B3GALT1: variants seen among roughly 807,000 people sequenced by gnomAD.
B3GALT1 encodes the protein beta-1,3-galactosyltransferase 1, also known as UDP-Gal:betaGlcNAc beta 1,3-galactosyltransferase, polypeptide 1.
Under a neutral mutation model 23.2 loss-of-function variants are expected in B3GALT1, and 10 were observed. That is an observed-to-expected ratio of 0.43 (90% CI 0.27 to 0.73). The LOEUF is 0.73. Ranked by LOEUF, B3GALT1 falls within the 30% of genes least tolerant of loss-of-function variation. The probability of loss-of-function intolerance (pLI) is 0.21; values close to 1 mark genes in which losing one functional copy is unlikely to be tolerated. For missense variants in B3GALT1, 299 were observed against 405.4 expected, an observed-to-expected ratio of 0.74 and a Z score of 2.25; for synonymous variants, 156 against 141.5, an observed-to-expected ratio of 1.10 and a Z score of -0.73.
At chr2:167,416,451 A>G (rs1242542181) in intron 1 of B3GALT1, among the ~76,000 whole-genome samples, 3 of 152,236 alleles carry the variant, frequency 2.0e-5, no homozygotes, top group Admixed American at 6.5e-5. Context: ...CCAAATGTCA[A>G]AGGATGCTGC....
chr2:167,349,637 ACAGTG>A (rs1379727031), intron 1 of B3GALT1, among the ~76,000 whole-genome samples: 1 of 152,198 alleles, frequency 6.6e-6, no homozygotes, highest in Non-Finnish European at 1.5e-5. Context: ...AGTTACAGCC[ACAGTG>A]CATGATAAGT....
chr2:167,666,947 T>G (rs982740806), intron 3 of B3GALT1, among the ~76,000 whole-genome samples: 3 of 152,132 alleles, frequency 2.0e-5, no homozygotes, highest in Admixed American at 6.5e-5. Context: ...TTAGTCCATT[T>G]ACATTTAAAG....
At chr2:167,356,556 C>G (rs1466486523) in intron 1 of B3GALT1, among the ~76,000 whole-genome samples, 1 of 152,046 alleles carries the variant, frequency 6.6e-6, no homozygotes, top group Non-Finnish European at 1.5e-5. Flanking sequence ...ACACTACATA[C>G]TAGTGGGAGT....
At position 167,398,180 on chromosome 2, in the gene B3GALT1, G is replaced by A. The variant is rs1367173011; in HGVS notation, c.-510-91997G>A. 2.0e-5 allele frequency among the ~76,000 whole-genome samples: 3 copies of A among 152,128 alleles called. No homozygotes were observed. The East Asian group carries it at 5.8e-4, about 29-fold the overall frequency. On this transcript the variant is annotated intron_variant, in intron 1 of 4. Coordinates refer to ENST00000392690, the MANE Select transcript of B3GALT1 (RefSeq NM_020981.4). ...TTTCAGTCTCTCAGGATATAATCAA[G>A]ATTAGTTCATGCTAGTACTGGAGTT...
intron 1 of B3GALT1, among the ~76,000 whole-genome samples, chr2:167,295,775 G>A (rs1322373885): frequency 1.9e-5 from 2 of 103,776 alleles, no homozygotes; most frequent in African/African-American, 4.6e-5. Flanking sequence ...GTACGTGTGT[G>A]TGTGTGTGTG....
At position 167,869,104 on chromosome 2, in the gene B3GALT1, A is replaced by G. The variant is rs748403364; in HGVS notation, c.65A>G (p.Tyr22Cys). The change falls in exon 5 of 5, where the codon TAC becomes TGC. Residue 22 changes from tyrosine (Y) to cysteine (C), a missense_variant. Around this residue, in one of 3 missense-constraint regions of B3GALT1, gnomAD observed 162 missense variants for 184.1 expected, o/e 0.88. Transcript: ENST00000392690. This position sits in a 1 kb window ranked among gnomAD's most constrained non-coding sequence, Gnocchi z 6.4. Reference protein sequence around the residue: ...TVVCWASALWYLSITRPTSSY... With the variant: ...TVVCWASALWCLSITRPTSSY... The stretch of plus-strand genomic sequence containing the variant: ...GTGTGCTGGGCCAGCGCTCTCTGGT[A>G]CTTGAGTATAACTCGCCCTACTTCT... The G allele has an allele frequency of 6.2e-7, 1 of 1,614,172 alleles. No individual in the cohort carries two copies. The highest frequency in any genetic ancestry group is 8.5e-7 in the Non-Finnish European group (1 of 1,180,008).
intron 3 of B3GALT1, among the ~76,000 whole-genome samples, chr2:167,666,852 G>A (rs1004705561): frequency 5.9e-5 from 9 of 152,186 alleles, no homozygotes; most frequent in Non-Finnish European, 7.3e-5. Context: ...GTCTCTGCCT[G>A]TGAGATGGGT....
intron 2 of B3GALT1, among the ~76,000 whole-genome samples, chr2:167,547,328 A>G (rs1239240802): frequency 2.8e-4 from 43 of 152,184 alleles, no homozygotes; most frequent in Admixed American, 2.8e-3. Context: ...TTTGGGTTAC[A>G]TTATCTTCTT....
At chr2:167,324,309 G>A (rs529571272) in intron 1 of B3GALT1, among the ~76,000 whole-genome samples, 7 of 151,772 alleles carry the variant, frequency 4.6e-5, no homozygotes, top group Admixed American at 3.9e-4. Context: ...AATTTTCCAG[G>A]TATATAGATA....
chr2:167,428,405 C>G (rs1309913511), intron 1 of B3GALT1, among the ~76,000 whole-genome samples: 1 of 152,144 alleles, frequency 6.6e-6, no homozygotes, highest in Non-Finnish European at 1.5e-5. Context: ...GATCCCATAG[C>G]AGCTTACGCC....
At chr2:167,640,993 A>G (rs76463918) in intron 2 of B3GALT1, among the ~76,000 whole-genome samples, 3,881 of 152,232 alleles carry the variant, frequency 0.025, 69 homozygotes, top group Middle Eastern at 0.037. Flanking sequence ...ATCTATTCAA[A>G]GCCTACCTAT....
intron 1 of B3GALT1, among the ~76,000 whole-genome samples, chr2:167,340,493 G>C (rs1697130865): frequency 3.3e-5 from 5 of 151,986 alleles, no homozygotes; most frequent in Admixed American, 3.3e-4. Flanking sequence ...CAAAAAAATA[G>C]TTAAATTTTT....
chr2:167,484,810 A>T (rs574133823), intron 1 of B3GALT1, among the ~76,000 whole-genome samples: 1 of 152,286 alleles, frequency 6.6e-6, no homozygotes, highest in South Asian at 2.1e-4. Flanking sequence ...TTCTCTACAG[A>T]ATGTACACTT....
At chr2:167,737,256 T>C (rs1687507955) in intron 3 of B3GALT1, among the ~76,000 whole-genome samples, 1 of 152,212 alleles carries the variant, frequency 6.6e-6, no homozygotes, top group African/African-American at 2.4e-5. Flanking sequence ...TAATCTCTAT[T>C]AACTGGATGA....
intron 4 of B3GALT1, among the ~76,000 whole-genome samples, chr2:167,857,057 G>T (rs1213139899): frequency 2.6e-5 from 4 of 152,118 alleles, no homozygotes; most frequent in African/African-American, 9.7e-5. Flanking sequence ...CATTTCCAAA[G>T]AGTTTTTATG....
chr2:167,863,641 G>A (rs189734889), intron 4 of B3GALT1, among the ~76,000 whole-genome samples: 221 of 152,236 alleles, frequency 1.5e-3, no homozygotes, highest in Non-Finnish European at 2.6e-3. Flanking sequence ...TTAGAGTTCC[G>A]TGCATCATGC....
intron 2 of B3GALT1, among the ~76,000 whole-genome samples, chr2:167,578,853 T>A (rs1326137057): frequency 1.3e-5 from 2 of 152,086 alleles, no homozygotes; most frequent in Non-Finnish European, 2.9e-5. Flanking sequence ...GTTATGGGGA[T>A]ATTTGGAGGG....
intron 4 of B3GALT1, among the ~76,000 whole-genome samples, chr2:167,854,715 T>G (rs2105421875): frequency 6.6e-6 from 1 of 152,306 alleles, no homozygotes; most frequent in South Asian, 2.1e-4. Context: ...GGATGTCAGT[T>G]TCTTTTACAG....
chr2:167,411,320 A>C (rs1251429972), intron 1 of B3GALT1, among the ~76,000 whole-genome samples: 1 of 150,876 alleles, frequency 6.6e-6, no homozygotes, highest in Non-Finnish European at 1.5e-5. Flanking sequence ...CCATCTGAGA[A>C]GGCATTAATA....
Sources: gnomAD v4.1 joint callset for allele counts (sites outside exome capture counted in the v4.1 genomes callset) on GRCh38, gnomAD v4.1.1 for gene constraint, gnomAD v4.1.1 regional missense constraint, Gnocchi (gnomAD v3.1) non-coding constraint, MANE v1.5 for transcripts, NCBI Gene and HGNC (gene_info 2026-07-23, HGNC 2026-07-21) for gene names.